Variants in TRAM2 observed in about 807,000 individuals in gnomAD.
The protein encoded by TRAM2 is translocation associated membrane protein 2.
TRAM2 carries 12 observed loss-of-function variants against 51.0 expected under a neutral mutation model. The ratio of observed to expected loss-of-function variants is 0.24; its 90% CI spans 0.15 to 0.38. The LOEUF is 0.38. Among genes scored for constraint, TRAM2 ranks in the 10% least tolerant of loss-of-function variants. The pLI is 1.00. For missense variants in TRAM2, 361 were observed against 462.0 expected (o/e 0.78, Z 2.00); for synonymous variants, 175 against 179.4 (o/e 0.98, Z 0.20).
chr6:52,537,991 C>T (rs750612834), intron 1 of TRAM2, among the ~76,000 whole-genome samples: 34 of 152,312 alleles, frequency 2.2e-4, no homozygotes, highest in Non-Finnish European at 3.8e-4. Context: ...CTCCTGCCCA[C>T]GCTAGCCATG....
intron 4 of TRAM2, among the ~76,000 whole-genome samples, chr6:52,514,303 A>C (rs1766503572): frequency 6.6e-6 from 1 of 152,186 alleles, no homozygotes; most frequent in African/African-American, 2.4e-5. Context: ...ACAGAACTAC[A>C]TCTCTTCTTC....
chr6:52,568,139 C>A (rs2179804), intron 1 of TRAM2, among the ~76,000 whole-genome samples: 63,175 of 152,058 alleles, frequency 0.42, 13,246 homozygotes, highest in Admixed American at 0.56. Context: ...GAATCCAGGC[C>A]CCTGTCCTCG....
At chr6:52,520,385 G>A (rs1375188760) in intron 2 of TRAM2, among the ~76,000 whole-genome samples, 1 of 152,234 alleles carries the variant, frequency 6.6e-6, no homozygotes, top group African/African-American at 2.4e-5. Context: ...ATGGGTTAGA[G>A]TGGCAAGGCT....
chr6:52,562,601 G>A (rs1019870689), intron 1 of TRAM2, among the ~76,000 whole-genome samples: 5 of 152,156 alleles, frequency 3.3e-5, no homozygotes, highest in Non-Finnish European at 7.4e-5. Flanking sequence ...GGGTACATGT[G>A]CAGAACGTGC....
intron 1 of TRAM2, among the ~76,000 whole-genome samples, chr6:52,554,109 A>G (rs1404852762): frequency 6.6e-6 from 1 of 152,128 alleles, no homozygotes; most frequent in Admixed American, 6.5e-5. Context: ...TCTCCCAGGC[A>G]ATCAAGTCCT....
chr6:52,503,345 G>A, intron 10 of TRAM2, 75 bp from the exon 11 acceptor site: 1 of 1,383,578 alleles, frequency 7.2e-7, no homozygotes, highest in African/African-American at 1.4e-5. Context: ...GGTGGGGCCA[G>A]GCCAAGGAAG....
chr6:52,539,553 T>C (rs995626980), intron 1 of TRAM2, among the ~76,000 whole-genome samples: 11 of 151,280 alleles, frequency 7.3e-5, no homozygotes, highest in Non-Finnish European at 1.5e-4. Context: ...AAAAAAAAAA[T>C]CACCCATTTT....
intron 4 of TRAM2, among the ~76,000 whole-genome samples, chr6:52,510,000 C>T (rs1363907479): frequency 6.6e-6 from 1 of 152,186 alleles, no homozygotes; most frequent in Non-Finnish European, 1.5e-5. Context: ...CTGTGCCTGG[C>T]ATGCAGGCGC....
chr6:52,498,080 TAA>T lies in TRAM2; in HGVS notation c.*5115_*5116del, dbSNP rs1766124760. The T allele has an allele frequency of 1.3e-5, 2 of 152,392 alleles. No individual in the cohort carries two copies. Among genetic ancestry groups the T allele is most frequent in the Admixed American group, 1.3e-4 (2 of 15,278 alleles). The allele number at this position is 152,392 out of a possible 1,614,324, so 9.4% of individuals were successfully genotyped here. ...ACCTCTAAGATGATGCTACATGTTC[TAA>T]AAGAGTGCCACAGAAACCCACCCAG... On this transcript the variant is annotated 3_prime_UTR_variant, in exon 11 of 11. Transcript: ENST00000182527.
chr6:52,553,744 C>T (rs1352676412), intron 1 of TRAM2, among the ~76,000 whole-genome samples: 2 of 152,160 alleles, frequency 1.3e-5, no homozygotes, highest in Non-Finnish European at 2.9e-5. Flanking sequence ...TGGAGTTGTT[C>T]AGTTGCTTGG....
chr6:52,497,490 T>G lies in TRAM2; in HGVS notation c.*5707A>C, dbSNP rs1266584348. ...TACATTTAAAAAATCCATACAAAAC[T>G]GTAATTTGTTTTAAAACCAGACAGA... On this transcript the variant is annotated 3_prime_UTR_variant, in exon 11 of 11. Transcript: ENST00000182527. The G allele has an allele frequency of 6.6e-6, 1 of 152,624 alleles. No individual in the cohort carries two copies. The highest frequency in any genetic ancestry group is 2.4e-5 in the African/African-American group (1 of 41,440). The allele number at this position is 152,624 out of a possible 1,614,324, so 9.5% of individuals were successfully genotyped here.
intron 2 of TRAM2, among the ~76,000 whole-genome samples, chr6:52,527,621 C>T (rs193091804): frequency 3.2e-4 from 49 of 152,248 alleles, no homozygotes; most frequent in East Asian, 2.9e-3. Flanking sequence ...CCACCGTTCC[C>T]GCTGACTGCA....
chr6:52,513,741 G>A (rs1766492874), intron 4 of TRAM2, among the ~76,000 whole-genome samples: 1 of 152,116 alleles, frequency 6.6e-6, no homozygotes, highest in African/African-American at 2.4e-5. Context: ...CATGAATGGG[G>A]AGGAAAAAAC....
At chr6:52,526,735 C>T (rs1194404968) in intron 2 of TRAM2, among the ~76,000 whole-genome samples, 1 of 152,142 alleles carries the variant, frequency 6.6e-6, no homozygotes, top group Non-Finnish European at 1.5e-5. Flanking sequence ...AGCTGTAACC[C>T]TCCCTGTAGC....
chr6:52,556,231 TC>T (rs1301447814), intron 1 of TRAM2, among the ~76,000 whole-genome samples: 1 of 150,614 alleles, frequency 6.6e-6, no homozygotes, highest in African/African-American at 2.4e-5. Flanking sequence ...GGCTCAGAGG[TC>T]ACCGAGAAGC....
intron 7 of TRAM2, among the ~76,000 whole-genome samples, chr6:52,506,360 A>C (rs2207062): frequency 1.3e-5 from 2 of 152,094 alleles, no homozygotes; most frequent in Non-Finnish European, 2.9e-5. Flanking sequence ...GTCCTGTCTC[A>C]GTCAGATGCC....
rs1160753789 is a variant in TRAM2 at position 52,543,979 on chromosome 6, G to A, written c.121-8133C>T. ...CAGAGTTGGCAGACAGTGACCTGCT[G>A]CAACCATTTCAAATTATTCTCCACC... On this transcript the variant is annotated intron_variant, in intron 1 of 10. Coordinates refer to ENST00000182527, the MANE Select transcript of TRAM2 (RefSeq NM_012288.4). 2.0e-5 allele frequency among the ~76,000 whole-genome samples: 3 copies of A among 152,184 alleles called. No homozygotes were observed. The East Asian group carries it at 5.8e-4, about 29-fold the overall frequency.
At chr6:52,517,996 T>G (rs1235618831) in intron 2 of TRAM2, among the ~76,000 whole-genome samples, 1 of 152,148 alleles carries the variant, frequency 6.6e-6, no homozygotes, top group African/African-American at 2.4e-5. Context: ...CACAAAGACC[T>G]ATTCTGTGAG....
At chr6:52,526,209 G>T (rs1217512257) in intron 2 of TRAM2, among the ~76,000 whole-genome samples, 1 of 142,554 alleles carries the variant, frequency 7.0e-6, no homozygotes. Flanking sequence ...ACACACACAC[G>T]CCAGAGAATT....
Sources: gnomAD v4.1 joint callset for allele counts (sites outside exome capture counted in the v4.1 genomes callset) on GRCh38, gnomAD v4.1.1 for gene constraint, MANE v1.5 for transcripts, NCBI Gene and HGNC (gene_info 2026-07-23, HGNC 2026-07-21) for gene names.